Variants in RARS1 observed in about 807,000 individuals in gnomAD.
RARS1 encodes the protein arginyl-tRNA synthetase 1.
Under a neutral mutation model 78.7 loss-of-function variants are expected in RARS1, and 75 were observed. The observed-to-expected ratio is 0.95, with a 90% CI of 0.79 to 1.15. The LOEUF is 1.15. Among genes scored for constraint, RARS1 ranks in the 50% most tolerant of loss-of-function variants. RARS1 has a pLI of 0.00. For missense variants in RARS1, 787 were observed against 787.5 expected (o/e 1.00, Z 0.01); for synonymous variants, 273 against 268.2 (o/e 1.02, Z -0.18).
intron 8 of RARS1, among the ~76,000 whole-genome samples, chr5:168,501,679 C>T (rs540685132): frequency 1.3e-5 from 2 of 152,168 alleles, no homozygotes; most frequent in South Asian, 4.1e-4. Context: ...GCTGAGATCA[C>T]GCCACTGTAC....
rs1758340846 is a variant in RARS1, at chr5:168,502,191, T to C, written c.1057+86T>C. The C allele has an allele frequency of 4.0e-6, 6 of 1,496,156 alleles. No individual in the cohort carries two copies. The Middle Eastern group carries it at 5.5e-4, about 137-fold the overall frequency. 92.7% of individuals were successfully genotyped at this position (1,496,156 alleles called of 1,614,324 possible). A position where few individuals can be genotyped will look rare whatever the true frequency, so the allele number is the denominator to read the frequency against. The stretch of plus-strand genomic sequence containing the variant: ...AGAATTTATAGTAATGCCAGCTTCA[T>C]GTACTCATCATCCAATTTCAACAGT... On this transcript the variant is annotated intron_variant, in intron 9 of 14. Transcript: ENST00000231572.
chr5:168,495,669 C>T (rs1412780182), intron 6 of RARS1, among the ~76,000 whole-genome samples: 1 of 151,932 alleles, frequency 6.6e-6, no homozygotes, highest in African/African-American at 2.4e-5. Context: ...AAGGACAAAA[C>T]TCCTTCATTC....
intron 11 of RARS1, among the ~76,000 whole-genome samples, chr5:168,509,449 C>CA (rs1254806027): frequency 1.4e-5 from 2 of 145,700 alleles, no homozygotes; most frequent in African/African-American, 5.1e-5. Flanking sequence ...CCCCCCCCCC[C>CA]CCACCAAAAA....
At position 168,497,233 on chromosome 5, in the gene RARS1, A is replaced by C; in HGVS notation, c.707A>C (p.Asn236Thr). 3 of 1,541,548 alleles carry C rather than the reference A, an allele frequency of 1.9e-6. No individual in the cohort carries two copies. The highest frequency in any genetic ancestry group is 2.6e-6 in the Non-Finnish European group (3 of 1,144,016). ...TATTCTCTGATTGGTGTTAGGTTAA[A>C]TCATGTAGGAGACTGGGGGACCCAG... ...EFAGYDVLRL[N>T]HVGDWGTQFG... The change falls in exon 7 of 15, where the codon AAT becomes ACT. Residue 236 changes from asparagine (N) to threonine (T), a missense_variant. Physicochemically the swap from Asn to Thr is moderately conservative, Grantham distance 65. Transcript: ENST00000231572.
At chr5:168,499,419 T>C (rs191666136) in intron 7 of RARS1, among the ~76,000 whole-genome samples, 67 of 152,362 alleles carry the variant, frequency 4.4e-4, no homozygotes, top group Non-Finnish European at 8.2e-4. Flanking sequence ...AGTTGCATGT[T>C]TTCTGTTTGT....
chr5:168,501,136 G>A (rs1196157294), intron 8 of RARS1, among the ~76,000 whole-genome samples: 5 of 152,132 alleles, frequency 3.3e-5, no homozygotes, highest in South Asian at 4.1e-4. Context: ...ATTTTAAGGC[G>A]ATTTCAAGTT....
intron 2 of RARS1, among the ~76,000 whole-genome samples, chr5:168,492,003 T>C (rs1310505777): frequency 7.0e-6 from 1 of 143,664 alleles, no homozygotes; most frequent in East Asian, 2.1e-4. Flanking sequence ...CAGTGCTAGA[T>C]GCCAGGGACA....
intron 11 of RARS1, among the ~76,000 whole-genome samples, chr5:168,509,912 A>C (rs1029987354): frequency 2.0e-5 from 3 of 152,170 alleles, no homozygotes; most frequent in African/African-American, 7.2e-5. Flanking sequence ...TCAAGGTTAC[A>C]GTGAGCTGTG....
Position 168,518,038 on chromosome 5 carries a change from T to C in RARS1, c.1849T>C (p.Cys617Arg). 1.3e-6 allele frequency: 2 copies of C among 1,558,310 alleles called. No individual in the cohort carries two copies. The highest frequency in any genetic ancestry group is 2.2e-5 in the South Asian group (2 of 89,776). ...AFTEFYDSCY[C>R]VEKDRQTGKI... ...CACAGAGTTCTATGATAGCTGCTAC[T>C]GTGTGGAGAAAGATAGACAGACTGG... is the stretch of plus-strand genomic sequence containing the variant. The change falls in exon 14 of 15, where the codon TGT becomes CGT. Residue 617 changes from cysteine (C) to arginine (R), a missense_variant. Coordinates refer to ENST00000231572, the MANE Select transcript of RARS1 (RefSeq NM_002887.4).
intron 9 of RARS1, among the ~76,000 whole-genome samples, chr5:168,503,863 G>T: frequency 6.6e-6 from 1 of 152,044 alleles, no homozygotes; most frequent in East Asian, 1.9e-4. Flanking sequence ...TTGAGGCCAG[G>T]AGTTTGAGGT....
At chr5:168,486,657 A>G in intron 1 of RARS1, 114 bp downstream of exon 1, 1 of 767,248 alleles carries the variant, frequency 1.3e-6, no homozygotes, top group Non-Finnish European at 2.0e-6. Flanking sequence ...TGGTCCTCTC[A>G]GAGTGGAGCG....
At chr5:168,495,505 G>T in intron 6 of RARS1, 69 bp downstream of exon 6, 2 of 1,532,240 alleles carry the variant, frequency 1.3e-6, no homozygotes, top group Non-Finnish European at 8.8e-7. Context: ...TATAGAACAT[G>T]GAATATCTCA....
At chr5:168,503,859 C>G (rs776098084) in intron 9 of RARS1, among the ~76,000 whole-genome samples, 7 of 151,872 alleles carry the variant, frequency 4.6e-5, no homozygotes, top group Admixed American at 2.0e-4. Context: ...CCACTTGAGG[C>G]CAGGAGTTTG....
At chr5:168,503,154 G>A (rs1758366032) in intron 9 of RARS1, among the ~76,000 whole-genome samples, 1 of 152,148 alleles carries the variant, frequency 6.6e-6, no homozygotes, top group South Asian at 2.1e-4. Context: ...TATTAAGATT[G>A]ATTAGTAAAT....
intron 9 of RARS1, among the ~76,000 whole-genome samples, chr5:168,504,863 T>C (rs879938039): frequency 2.2e-4 from 34 of 151,432 alleles, no homozygotes; most frequent in Non-Finnish European, 1.5e-5. Flanking sequence ...CGTGCATGCC[T>C]GTGGTGACAG....
intron 9 of RARS1, among the ~76,000 whole-genome samples, chr5:168,504,104 G>A (rs952742832): frequency 8.6e-5 from 13 of 150,902 alleles, no homozygotes; most frequent in Non-Finnish European, 8.8e-5. Flanking sequence ...GAGAGAGGTC[G>A]AGCATGGCAG....
chr5:168,517,018 TTC>T (rs1031563349), intron 13 of RARS1, 68 bp downstream of exon 13: 78 of 1,504,612 alleles, frequency 5.2e-5, no homozygotes, highest in Non-Finnish European at 6.4e-5. Flanking sequence ...CAAAAATATT[TTC>T]TTTTTTTTTT....
At chr5:168,490,581 A>G (rs183425957) in intron 2 of RARS1, among the ~76,000 whole-genome samples, 26 of 152,334 alleles carry the variant, frequency 1.7e-4, no homozygotes, top group African/African-American at 6.3e-4. Context: ...GCAGCTGAAC[A>G]CAAGGTACAC....
intron 8 of RARS1, 61 bp downstream of exon 8, chr5:168,500,781 C>T: frequency 6.5e-7 from 1 of 1,538,320 alleles, no homozygotes; most frequent in Middle Eastern, 1.8e-4. Context: ...TTCCTGGAGT[C>T]TTCATTTTGA....
Sources: gnomAD v4.1 joint callset for allele counts (sites outside exome capture counted in the v4.1 genomes callset) on GRCh38, gnomAD v4.1.1 for gene constraint, MANE v1.5 for transcripts, NCBI Gene and HGNC (gene_info 2026-07-23, HGNC 2026-07-21) for gene names.